Variants in CDH23 observed in about 807,000 individuals in gnomAD.
CDH23 encodes cadherin related 23, also known as cadherin-23.
In CDH23, 189 loss-of-function variants were observed where a neutral mutation model predicts 317.1. The ratio of observed to expected loss-of-function variants is 0.60; its 90% confidence interval spans 0.53 to 0.67. The LOEUF is 0.67. Among genes scored for constraint, CDH23 ranks in the 30% least tolerant of loss-of-function variants. The probability of loss-of-function intolerance (pLI) is 0.00; values close to 1 mark genes in which losing one functional copy is unlikely to be tolerated. For synonymous variants in CDH23, 1,839 were observed against 1,876.8 expected (o/e 0.98, Z 0.52); for missense variants, 4,401 against 4,592.4 (o/e 0.96, Z 1.20).
intron 27 of CDH23, 170 bp from the exon 28 acceptor site, chr10:71,712,495 C>T (rs1161580500): frequency 9.4e-6 from 6 of 641,516 alleles, no homozygotes; most frequent in African/African-American, 1.8e-5. Flanking sequence ...GTATTTGATA[C>T]TGTTAGTGTT....
intron 19 of CDH23, 26 bp from the exon 20 acceptor site, chr10:71,690,442 C>A: frequency 6.5e-7 from 1 of 1,539,024 alleles, no homozygotes; most frequent in African/African-American, 1.4e-5. Context: ...GCAGCACCCC[C>A]TGCCCCCACC....
chr10:71,792,202 G>A (rs1229398140), intron 47 of CDH23, among the ~76,000 whole-genome samples: 3 of 152,102 alleles, frequency 2.0e-5, no homozygotes, highest in African/African-American at 7.2e-5. Context: ...CTTATTCAGT[G>A]TGCAAAAACC....
At position 71,677,492 on chromosome 10, in the gene CDH23, G is replaced by A. The variant is rs1455787227; in HGVS notation, c.1551G>A (p.Leu517=). The change falls in exon 16 of 70, where the codon CTG becomes CTA. Residue 517 remains leucine, a synonymous_variant. Coordinates refer to ENST00000224721, the MANE Select transcript of CDH23 (RefSeq NM_022124.6). ...ACAAGGACACGGGACTCATCATGCT[G>A]ATTGCCAGGCTGGACTATGAGCTCA... The part of the protein sequence containing the change: ...SLDKDTGLIM[L]IARLDYELIQ... 1.2e-6 allele frequency: 2 copies of A among 1,611,818 alleles called. No individual in the cohort carries two copies. Among genetic ancestry groups the A allele is most frequent in the South Asian group, 2.2e-5 (2 of 90,178 alleles).
intron 53 of CDH23, among the ~76,000 whole-genome samples, chr10:71,801,039 G>A (rs937265367): frequency 2.6e-5 from 4 of 151,970 alleles, no homozygotes; most frequent in African/African-American, 7.3e-5. Flanking sequence ...CCCAAATAAT[G>A]CCTGGGGCTC....
At chr10:71,641,666 G>A (rs979871741) in intron 11 of CDH23, among the ~76,000 whole-genome samples, 3 of 152,166 alleles carry the variant, frequency 2.0e-5, no homozygotes, top group South Asian at 2.1e-4. Flanking sequence ...GAGAAGAATC[G>A]GGGAGCAATC....
intron 6 of CDH23, among the ~76,000 whole-genome samples, chr10:71,543,063 A>G (rs1046373695): frequency 6.6e-6 from 1 of 152,226 alleles, no homozygotes; most frequent in Non-Finnish European, 1.5e-5. Flanking sequence ...CAAGGCTAGC[A>G]AGTCCAGAAC....
intron 1 of CDH23, among the ~76,000 whole-genome samples, chr10:71,414,053 G>C (rs1455166235): frequency 6.9e-6 from 1 of 145,156 alleles, no homozygotes; most frequent in Non-Finnish European, 1.5e-5. Flanking sequence ...GGTTTTGTGT[G>C]TGTGTGTGTG....
intron 9 of CDH23, among the ~76,000 whole-genome samples, chr10:71,614,947 C>A (rs556818743): frequency 6.6e-6 from 1 of 152,114 alleles, no homozygotes; most frequent in Non-Finnish European, 1.5e-5. Flanking sequence ...TTAATAAGTA[C>A]TTAACATAGT....
chr10:71,436,738 C>T (rs897510969), intron 1 of CDH23, among the ~76,000 whole-genome samples: 1 of 152,194 alleles, frequency 6.6e-6, no homozygotes, highest in Non-Finnish European at 1.5e-5. Flanking sequence ...TCCTGCAGCA[C>T]CCAGCAGAAT....
intron 6 of CDH23, among the ~76,000 whole-genome samples, chr10:71,531,475 G>T (rs1855371505): frequency 6.6e-6 from 1 of 152,162 alleles, no homozygotes; most frequent in African/African-American, 2.4e-5. Context: ...TAAAATATAT[G>T]CAGTTGAAAT....
At chr10:71,508,219 G>A (rs1383185724) in intron 3 of CDH23, 1 of 152,216 alleles carries the variant, frequency 6.6e-6, no homozygotes, top group Admixed American at 6.5e-5. Flanking sequence ...TATCATAAGA[G>A]CCCAGTGAAT....
intron 38 of CDH23, among the ~76,000 whole-genome samples, chr10:71,757,931 C>T (rs747385072): frequency 6.6e-6 from 1 of 152,184 alleles, no homozygotes; most frequent in African/African-American, 2.4e-5. Flanking sequence ...TGCAGGAGCT[C>T]CTTGGGCACC....
At chr10:71,468,837 G>T (rs770201487) in intron 3 of CDH23, among the ~76,000 whole-genome samples, 2 of 152,160 alleles carry the variant, frequency 1.3e-5, no homozygotes, top group Non-Finnish European at 2.9e-5. Flanking sequence ...GGTGAGGCAG[G>T]TGCCTTACTC....
intron 3 of CDH23, among the ~76,000 whole-genome samples, chr10:71,506,366 G>T (rs373177046): frequency 2.0e-5 from 3 of 152,174 alleles, no homozygotes; most frequent in African/African-American, 4.8e-5. Context: ...TACTTTAAAT[G>T]GTTGAAGAGG....
chr10:71,511,312 C>A (rs547870358), intron 6 of CDH23, 100 bp downstream of exon 6: 3 of 1,111,424 alleles, frequency 2.7e-6, no homozygotes, highest in South Asian at 2.5e-5. Context: ...GCAGCTGTGG[C>A]TCTTCTGCCC....
chr10:71,442,720 T>C (rs4747154), intron 2 of CDH23, among the ~76,000 whole-genome samples: 120,117 of 152,146 alleles, frequency 0.79, 47,920 homozygotes, highest in African/African-American at 0.89. Flanking sequence ...CAGCAAGCAT[T>C]CTGCTGGGTC....
Position 71,800,720 on chromosome 10 carries a change from G to T in CDH23, c.7447G>T (p.Asp2483Tyr). 1 of 1,614,000 alleles carries T rather than the reference G, an allele frequency of 6.2e-7. No individual in the cohort carries two copies. Among genetic ancestry groups the T allele is most frequent in the Non-Finnish European group, 8.5e-7 (1 of 1,179,888 alleles). Residue 2483 changes from aspartate (D) to tyrosine (Y), a missense_variant, in exon 53 of 70, where the codon GAT becomes TAT. Asp to Tyr is a radical substitution (Grantham distance 160). Transcript: ENST00000224721. ...LTALAKDNPG[D>Y]VASNRRENSV... The stretch of plus-strand genomic sequence containing the variant: ...TGCCTTGGCCAAAGACAACCCTGGG[G>T]ATGTAGCCAGCAACCGTCGCGAAAA...
chr10:71,439,631 G>A (rs1045426822), intron 1 of CDH23, among the ~76,000 whole-genome samples, 196 bp from the exon 2 acceptor site: 3 of 152,242 alleles, frequency 2.0e-5, no homozygotes, highest in Non-Finnish European at 4.4e-5. Context: ...ACCCAGGATA[G>A]GACAATGTTA....
chr10:71,480,444 C>T (rs1020001338), intron 3 of CDH23, among the ~76,000 whole-genome samples: 3 of 152,206 alleles, frequency 2.0e-5, no homozygotes, highest in Admixed American at 6.5e-5. Flanking sequence ...CAACCCATCT[C>T]GAAAGTGAGG....
Sources: gnomAD v4.1 joint callset for allele counts (sites outside exome capture counted in the v4.1 genomes callset) on GRCh38, gnomAD v4.1.1 for gene constraint, MANE v1.5 for transcripts, NCBI Gene and HGNC (gene_info 2026-07-23, HGNC 2026-07-21) for gene names.